The following GOLM2 variants were observed in gnomAD, a reference collection of about 807,000 sequenced individuals.
GOLM2 encodes golgi membrane protein 2.
Under a neutral mutation model 55.9 loss-of-function variants are expected in GOLM2, and 26 were observed. The ratio of observed to expected loss-of-function variants is 0.47; its 90% CI spans 0.34 to 0.65. The LOEUF (loss-of-function observed/expected upper bound fraction) is 0.65, where lower values mean the gene tolerates loss of function less well. Ranked by LOEUF, GOLM2 falls within the 30% of genes least tolerant of loss-of-function variation. GOLM2 has a pLI of 0.01. For synonymous variants in GOLM2, 165 were observed against 194.6 expected, an observed-to-expected ratio of 0.85 and a Z score of 1.27; for missense variants, 486 against 531.8, an observed-to-expected ratio of 0.91 and a Z score of 0.85.
At chr15:44,299,946 A>G (rs1381081998) in intron 1 of GOLM2, among the ~76,000 whole-genome samples, 1 of 149,842 alleles carries the variant, frequency 6.7e-6, no homozygotes, top group Non-Finnish European at 1.5e-5. Flanking sequence ...AAAAAAAAAA[A>G]AAAAAAAGCT....
intron 6 of GOLM2, among the ~76,000 whole-genome samples, chr15:44,362,221 G>T: frequency 6.6e-6 from 1 of 151,518 alleles, no homozygotes; most frequent in Middle Eastern, 3.4e-3. Flanking sequence ...AGGAAATAAA[G>T]GGTATTCAAT....
intron 1 of GOLM2, among the ~76,000 whole-genome samples, chr15:44,303,990 A>G (rs2078818011): frequency 6.6e-6 from 1 of 151,380 alleles, no homozygotes; most frequent in Non-Finnish European, 1.5e-5. Context: ...TCGGCCTTCC[A>G]AAGTGCTAGG....
intron 8 of GOLM2, among the ~76,000 whole-genome samples, chr15:44,396,703 T>C (rs1228305008): frequency 6.6e-6 from 1 of 152,142 alleles, no homozygotes; most frequent in African/African-American, 2.4e-5. Flanking sequence ...GTGGAGCATA[T>C]GAAGTTAGAC....
chr15:44,406,361 C>T (rs1324222146), intron 9 of GOLM2: 1 of 151,972 alleles, frequency 6.6e-6, no homozygotes, highest in East Asian at 1.9e-4. Flanking sequence ...GCACTCCAGC[C>T]TAGGTAGCAG....
intron 1 of GOLM2, among the ~76,000 whole-genome samples, chr15:44,302,010 T>C (rs1020731470): frequency 6.6e-6 from 1 of 151,676 alleles, no homozygotes; most frequent in Non-Finnish European, 1.5e-5. Flanking sequence ...AAGTTCACCA[T>C]GTGGAATGAG....
chr15:44,321,169 G>T (rs1194771028), intron 1 of GOLM2, among the ~76,000 whole-genome samples: 1 of 151,910 alleles, frequency 6.6e-6, no homozygotes, highest in African/African-American at 2.4e-5. Flanking sequence ...GGGGTTGGGG[G>T]TGACTATAAC....
chr15:44,333,674 T>C (rs972826321), intron 4 of GOLM2, among the ~76,000 whole-genome samples: 4 of 152,100 alleles, frequency 2.6e-5, no homozygotes, highest in Middle Eastern at 3.4e-3. Context: ...ATTGTGTCAT[T>C]ATAAGCGTAG....
chr15:44,353,777 G>A (rs939201052), intron 6 of GOLM2, among the ~76,000 whole-genome samples: 5 of 152,126 alleles, frequency 3.3e-5, no homozygotes, highest in African/African-American at 1.2e-4. Flanking sequence ...GGTTACCAGA[G>A]GCTGTGAAGC....
chr15:44,317,979 T>C (rs913130223), intron 1 of GOLM2, among the ~76,000 whole-genome samples: 2 of 152,246 alleles, frequency 1.3e-5, no homozygotes, highest in Non-Finnish European at 2.9e-5. Context: ...TCTTTTCTGA[T>C]TCTATTAGTT....
chr15:44,313,637 A>C (rs553407724), intron 1 of GOLM2, among the ~76,000 whole-genome samples: 2 of 152,258 alleles, frequency 1.3e-5, no homozygotes, highest in African/African-American at 4.8e-5. Flanking sequence ...GGCTTTACAC[A>C]GTGTCTTTCA....
chr15:44,392,980 C>T (rs573094486), intron 8 of GOLM2, among the ~76,000 whole-genome samples: 21 of 152,154 alleles, frequency 1.4e-4, no homozygotes, highest in African/African-American at 4.8e-4. Flanking sequence ...GAAAAGGATA[C>T]CCACCATCAT....
At chr15:44,321,842 A>G (rs1421548361) in intron 1 of GOLM2, among the ~76,000 whole-genome samples, 1 of 151,766 alleles carries the variant, frequency 6.6e-6, no homozygotes, top group Non-Finnish European at 1.5e-5. Context: ...ACTTGAGTCC[A>G]AGAGTTCAAG....
At chr15:44,395,423 T>A (rs747970326) in intron 8 of GOLM2, among the ~76,000 whole-genome samples, 37 of 152,082 alleles carry the variant, frequency 2.4e-4, no homozygotes, top group Non-Finnish European at 8.8e-5. Context: ...TAGTACAGAA[T>A]TAAAATATAC....
chr15:44,402,883 A>G lies in GOLM2; in HGVS notation c.1073-4A>G. The G allele has an allele frequency of 1.2e-6, 2 of 1,613,480 alleles. No individual in the cohort carries two copies. Among genetic ancestry groups the G allele is most frequent in the Non-Finnish European group, 1.7e-6 (2 of 1,179,886 alleles). On this transcript the variant is annotated splice_region_variant and splice_polypyrimidine_tract_variant and intron_variant, in intron 8 of 9. Transcript: ENST00000299957. ...CTTGAATTAATCCTCTACCTACTTCACAGGCCGATTCTTTGATGAAAATGA... is the reference window on the plus strand; with the variant it reads ...CTTGAATTAATCCTCTACCTACTTCGCAGGCCGATTCTTTGATGAAAATGA...
chr15:44,312,141 A>G (rs566416753), intron 1 of GOLM2, among the ~76,000 whole-genome samples: 1 of 152,182 alleles, frequency 6.6e-6, no homozygotes, highest in African/African-American at 2.4e-5. Context: ...TTTCCTCCCT[A>G]TCCAGCTGAG....
chr15:44,386,773 A>G (rs1193532942), intron 8 of GOLM2, among the ~76,000 whole-genome samples: 1 of 152,130 alleles, frequency 6.6e-6, no homozygotes, highest in African/African-American at 2.4e-5. Context: ...GTGGATGCTG[A>G]GGTGGGAGGA....
rs190325635 is a variant in GOLM2, at chr15:44,297,045, T to G, written c.327+7689T>G. ...ATCCCTTTCCTACCTTCTTGGTTCCTATAAATGATGCCCATGCAACTGTTA... is the reference window on the plus strand; with the variant it reads ...ATCCCTTTCCTACCTTCTTGGTTCCGATAAATGATGCCCATGCAACTGTTA... On this transcript the variant is annotated intron_variant, in intron 1 of 9. Coordinates refer to ENST00000299957, the MANE Select transcript of GOLM2 (RefSeq NM_138423.4). 8.8e-4 allele frequency among the ~76,000 whole-genome samples: 134 copies of G among 152,364 alleles called. 1 individual carries two copies. Among genetic ancestry groups the G allele is most frequent in the African/African-American group, 3.0e-3 (126 of 41,592 alleles).
intron 8 of GOLM2, among the ~76,000 whole-genome samples, chr15:44,388,273 C>CAAA (rs35283840): frequency 0.042 from 2,869 of 68,530 alleles, 55 homozygotes; most frequent in East Asian, 0.13. Flanking sequence ...GACCCTGTCT[C>CAAA]AAAAAAAAAA....
intron 4 of GOLM2, 87 bp from the exon 5 acceptor site, chr15:44,337,676 A>G: frequency 1.1e-6 from 1 of 918,372 alleles, no homozygotes; most frequent in Non-Finnish European, 1.6e-6. Context: ...TTACAAGATG[A>G]ACTGTTTCAG....
Sources: gnomAD v4.1 joint callset for allele counts (sites outside exome capture counted in the v4.1 genomes callset) on GRCh38, gnomAD v4.1.1 for gene constraint, MANE v1.5 for transcripts, NCBI Gene and HGNC (gene_info 2026-07-23, HGNC 2026-07-21) for gene names.